The following USP2 variants were observed in gnomAD, a reference collection of about 807,000 sequenced individuals.
The protein encoded by USP2 is ubiquitin specific peptidase 2.
USP2 carries 33 observed loss-of-function variants against 72.0 expected under a neutral mutation model. The ratio of observed to expected loss-of-function variants is 0.46; its 90% confidence interval spans 0.35 to 0.61. The LOEUF is 0.61. USP2 is among the 20% of genes least tolerant of loss of function. The pLI, the probability that USP2 is intolerant of heterozygous loss-of-function variation, is 0.01. For synonymous variants in USP2, 296 were observed against 312.5 expected (o/e 0.95, Z 0.56); for missense variants, 691 against 797.8 (o/e 0.87, Z 1.61).
intron 1 of USP2, among the ~76,000 whole-genome samples, chr11:119,374,015 G>T (rs979552166): frequency 6.6e-6 from 1 of 152,058 alleles, no homozygotes; most frequent in South Asian, 2.1e-4. Context: ...GTCTGTGCTG[G>T]AATGACCTGA....
At chr11:119,356,946 C>T (rs374264296) in intron 12 of USP2, 24 bp from the exon 13 acceptor site, 4 of 1,550,290 alleles carry the variant, frequency 2.6e-6, no homozygotes, top group African/African-American at 1.4e-5. Flanking sequence ...GGGGAGTCAG[C>T]CCGGAGCGGG....
intron 2 of USP2, among the ~76,000 whole-genome samples, chr11:119,365,982 C>A (rs12277700): frequency 0.14 from 20,829 of 151,390 alleles, 2,453 homozygotes; most frequent in African/African-American, 0.32. Flanking sequence ...GCAACCTCTG[C>A]CTCCCGGGTT....
intron 7 of USP2, chr11:119,358,543 T>G: frequency 3.2e-6 from 2 of 615,388 alleles, no homozygotes; most frequent in Non-Finnish European, 5.6e-6. Flanking sequence ...CTTGAACTCC[T>G]GACCTCAGGT....
chr11:119,364,534 A>G (rs571033974), intron 2 of USP2, among the ~76,000 whole-genome samples: 1 of 152,320 alleles, frequency 6.6e-6, no homozygotes, highest in East Asian at 1.9e-4. Flanking sequence ...CAACCGGGTG[A>G]GCTTCCCCCA....
Position 119,358,203 on chromosome 11 carries a change from A to G in USP2, c.1287T>C (p.Gly429=), listed in dbSNP as rs745381762. ...AGGGGTCGAAGACCGTAGAACAGTA[A>G]CCACAATCTGTACACGTCAGCGAGC... ...LKSSLTCTDC[G]YCSTVFDPFW... is the part of the protein sequence containing the mutation. The change falls in exon 8 of 13, where the codon GGT becomes GGC. Residue 429 remains glycine, a synonymous_variant. Coordinates refer to ENST00000260187, the MANE Select transcript of USP2 (RefSeq NM_004205.5). 6.2e-6 allele frequency: 10 copies of G among 1,613,900 alleles called. No homozygotes were observed. The Admixed American group carries it at 1.7e-4, about 27-fold the overall frequency.
In USP2 at chr11:119,373,132, C is replaced by T. The variant is rs766541835; in HGVS notation, c.349G>A (p.Val117Met). The T allele has an allele frequency of 3.7e-6, 6 of 1,614,030 alleles. No individual in the cohort carries two copies. Among genetic ancestry groups the T allele is most frequent in the African/African-American group, 1.3e-5 (1 of 74,928 alleles). The change falls in exon 2 of 13, where the codon GTG (valine) becomes ATG (methionine). Residue 117 changes from valine (V) to methionine (M), a missense_variant. Coordinates refer to ENST00000260187, the MANE Select transcript of USP2 (RefSeq NM_004205.5). ...AGGTAGCTGAGGCAGTTGTTGGTCA[C>T]TCCATAAGGGAATCCGCTGCCCCCG... Reference protein sequence around the residue: ...LSGGSGFPYGVTNNCLSYLPI... With the variant: ...LSGGSGFPYGMTNNCLSYLPI...
At chr11:119,359,724 C>A (rs1047785561) in intron 3 of USP2, 64 bp from the exon 4 acceptor site, 1 of 1,581,716 alleles carries the variant, frequency 6.3e-7, no homozygotes, top group Non-Finnish European at 8.6e-7. Flanking sequence ...GTGTTACTTA[C>A]TACCAGAGGC....
chr11:119,372,788 A>G lies in USP2; in HGVS notation c.693T>C (p.Ile231=). 1 of 1,596,684 alleles carries G rather than the reference A, an allele frequency of 6.3e-7. No individual in the cohort carries two copies. Among genetic ancestry groups the G allele is most frequent in the Non-Finnish European group, 8.5e-7 (1 of 1,172,390 alleles). Residue 231 remains isoleucine (I), a synonymous_variant, in exon 2 of 13, where the codon ATT becomes ATC. Coordinates refer to ENST00000260187, the MANE Select transcript of USP2 (RefSeq NM_004205.5). The stretch of plus-strand genomic sequence containing the variant: ...CCGTCTCCCACAGCGTGTAGCGGCC[A>G]ATGGGTCGGTAGGTTGGGCTGATGA... ...PEIISPTYRP[I]GRYTLWETGK... is the part of the protein sequence containing the mutation.
In USP2 at chr11:119,370,537, A is replaced by G. The variant is rs532443595; in HGVS notation, c.774+2170T>C. On this transcript the variant is annotated intron_variant, in intron 2 of 12. Coordinates refer to ENST00000260187, the MANE Select transcript of USP2 (RefSeq NM_004205.5). The stretch of plus-strand genomic sequence containing the variant: ...GAAACTGGACCCAGTTTTAGAAAGA[A>G]GTGGTCCAGGCCGCACGAGCAGGGT... 7.9e-5 allele frequency among the ~76,000 whole-genome samples: 12 copies of G among 152,292 alleles called. No individual in the cohort carries two copies. The South Asian group carries it at 2.3e-3, about 29-fold the overall frequency.
chr11:119,381,588 G>A lies in USP2; in HGVS notation c.-157C>T, dbSNP rs1395054709. 3 of 1,525,526 alleles carry A rather than the reference G, an allele frequency of 2.0e-6. No individual in the cohort carries two copies. Among genetic ancestry groups the A allele is most frequent in the Non-Finnish European group, 8.8e-7 (1 of 1,137,610 alleles). The allele number at this position is 1,525,526 out of a possible 1,614,324, so 94.5% of individuals were successfully genotyped here. The stretch of plus-strand genomic sequence containing the variant: ...CACCAGCTGACGAAGAGGGCTCCCC[G>A]GCCTCGGCTCCTGCCTGACTCTCTC... On this transcript the variant is annotated 5_prime_UTR_variant, in exon 1 of 13. Coordinates refer to ENST00000260187, the MANE Select transcript of USP2 (RefSeq NM_004205.5).
At chr11:119,364,996 G>A (rs1352581043) in intron 2 of USP2, among the ~76,000 whole-genome samples, 2 of 152,190 alleles carry the variant, frequency 1.3e-5, no homozygotes, top group African/African-American at 2.4e-5. Flanking sequence ...TGGGGCGAGT[G>A]TTCTACTCTG....
chr11:119,359,085 T>C lies in USP2; in HGVS notation c.1111A>G (p.Asn371Asp), dbSNP rs774018398. 1.2e-6 allele frequency: 2 copies of C among 1,614,080 alleles called. No homozygotes were observed. The highest frequency in any genetic ancestry group is 8.5e-7 in the Non-Finnish European group (1 of 1,180,034). ...FLRFLLDGLHNEVNRVTLRPK... is the reference protein window; with the variant it reads ...FLRFLLDGLHDEVNRVTLRPK... ...CTCAGTGTCACTCGGTTCACCTCGTTATGGAGCCCATCCAGAAGAAAGCGA... is the reference window on the plus strand; with the variant it reads ...CTCAGTGTCACTCGGTTCACCTCGTCATGGAGCCCATCCAGAAGAAAGCGA... The change falls in exon 6 of 13, where the codon AAC (asparagine) becomes GAC (aspartate). Residue 371 changes from asparagine to aspartate, a missense_variant. Coordinates refer to ENST00000260187, the MANE Select transcript of USP2 (RefSeq NM_004205.5).
chr11:119,356,761 T>G lies in USP2; in HGVS notation c.*74A>C. ...AGGTTTGTGTGTTGTTGTTGTTGTT[T>G]TGTTTTTGTCTTTTTAAAAAATTTA... On this transcript the variant is annotated 3_prime_UTR_variant, in exon 13 of 13. Transcript: ENST00000260187. 1.5e-6 allele frequency: 2 copies of G among 1,378,054 alleles called. No individual in the cohort carries two copies. Among genetic ancestry groups the G allele is most frequent in the Non-Finnish European group, 2.0e-6 (2 of 1,019,208 alleles). 85.4% of individuals were successfully genotyped at this position (1,378,054 alleles called of 1,614,324 possible).
chr11:119,377,816 G>A (rs1951020395), intron 1 of USP2, among the ~76,000 whole-genome samples: 1 of 152,166 alleles, frequency 6.6e-6, no homozygotes, highest in South Asian at 2.1e-4. Flanking sequence ...CCAGCCAGGG[G>A]AGGGACTTGC....
At chr11:119,376,097 GAGGGTTC>G in intron 1 of USP2, 1 of 810,662 alleles carries the variant, frequency 1.2e-6, no homozygotes, top group South Asian at 5.6e-5. Context: ...TGCCTGCGGA[GAGGGTTC>G]CTACTGGGGC....
chr11:119,356,737 G>T lies in USP2; in HGVS notation c.*98C>A. ...CTTCAGGTTTGTTTTTCTCTTGTCA[G>T]GTTTGTGTGTTGTTGTTGTTGTTTT... On this transcript the variant is annotated 3_prime_UTR_variant, in exon 13 of 13. Coordinates refer to ENST00000260187, the MANE Select transcript of USP2 (RefSeq NM_004205.5). The T allele has an allele frequency of 7.9e-7, 1 of 1,257,868 alleles. No homozygotes were observed. Among genetic ancestry groups the T allele is most frequent in the Non-Finnish European group, 1.1e-6 (1 of 914,866 alleles). The allele number at this position is 1,257,868 out of a possible 1,614,324, so 77.9% of individuals were successfully genotyped here.
Position 119,381,453 on chromosome 11 carries a change from C to T in USP2, c.-42+20G>A. The stretch of plus-strand genomic sequence containing the variant: ...GATCCCCGAATCCCCCCTCCCGGAT[C>T]CCCGACAGGTGGCACGTACCTGCCT... On this transcript the variant is annotated intron_variant, in intron 1 of 12. Coordinates refer to ENST00000260187, the MANE Select transcript of USP2 (RefSeq NM_004205.5). 1 of 1,535,860 alleles carries T rather than the reference C, an allele frequency of 6.5e-7. No homozygotes were observed. Among genetic ancestry groups the T allele is most frequent in the Non-Finnish European group, 8.7e-7 (1 of 1,146,764 alleles).
chr11:119,381,669 G>T lies in USP2; in HGVS notation c.-238C>A. 1.0e-6 allele frequency: 1 copy of T among 1,004,872 alleles called. No individual in the cohort carries two copies. The highest frequency in any genetic ancestry group is 1.5e-6 in the Non-Finnish European group (1 of 671,326). The allele number at this position is 1,004,872 out of a possible 1,614,324, so 62.2% of individuals were successfully genotyped here. ...CCCCGGGAAATCGGCGCCACCCAGCGGGCAGCCGCCTCATCGCGCCTGGGC... is the reference window on the plus strand; with the variant it reads ...CCCCGGGAAATCGGCGCCACCCAGCTGGCAGCCGCCTCATCGCGCCTGGGC... On this transcript the variant is annotated 5_prime_UTR_variant, in exon 1 of 13. Transcript: ENST00000260187.
At chr11:119,377,599 C>T (rs1221346973) in intron 1 of USP2, among the ~76,000 whole-genome samples, 1 of 152,218 alleles carries the variant, frequency 6.6e-6, no homozygotes, top group African/African-American at 2.4e-5. Context: ...GCACCAGCAT[C>T]TACCCCAGCT....
Sources: allele counts gnomAD v4.1 joint callset (sites outside exome capture counted in the v4.1 genomes callset), GRCh38; gene constraint gnomAD v4.1.1; transcripts MANE v1.5; gene names NCBI Gene and HGNC (gene_info 2026-07-23, HGNC 2026-07-21).